Variants in ABL1 observed in about 807,000 individuals in gnomAD.
The protein encoded by ABL1 is tyrosine-protein kinase ABL1.
Under a neutral mutation model 94.7 loss-of-function variants are expected in ABL1, and 11 were observed. That is an observed-to-expected ratio of 0.12 (90% CI 0.07 to 0.19). The LOEUF is 0.19. Ranked by LOEUF, ABL1 falls within the 10% of genes least tolerant of loss-of-function variation. The probability of loss-of-function intolerance (pLI) is 1.00; values close to 1 mark genes in which losing one functional copy is unlikely to be tolerated. For missense variants in ABL1, 1,082 were observed against 1,489.4 expected, an observed-to-expected ratio of 0.73 and a Z score of 4.50; for synonymous variants, 656 against 622.4, an observed-to-expected ratio of 1.05 and a Z score of -0.80.
At chr9:130,831,486 A>G (rs1388697148), upstream of ABL1, among the ~76,000 whole-genome samples, 1 of 152,234 alleles carries the variant, frequency 6.6e-6, no homozygotes, top group East Asian at 1.9e-4. Context: ...TTCTAGAACT[A>G]TGCCTATCTT....
intron 1 of ABL1, among the ~76,000 whole-genome samples, chr9:130,818,955 G>T (rs147448757): frequency 1.3e-5 from 2 of 152,142 alleles, no homozygotes; most frequent in African/African-American, 4.8e-5. Flanking sequence ...GCTGTTGTGC[G>T]TATGTTTATT....
In ABL1 at chr9:130,835,570, C is replaced by A; in HGVS notation, c.79+45C>A. On this transcript the variant is annotated intron_variant, in intron 1 of 10. Transcript: ENST00000318560. The surrounding 1 kb of genome is among the most constrained non-coding windows in gnomAD (Gnocchi z 4.6). Reference sequence around the variant, plus strand: ...GTTGGGCTGAGTAGCCGCGCGCCCTCCCGCTGCTGCTGGGCCCTTCCTAGG... The same window carrying A: ...GTTGGGCTGAGTAGCCGCGCGCCCTACCGCTGCTGCTGGGCCCTTCCTAGG... 2 of 1,509,684 alleles carry A rather than the reference C, an allele frequency of 1.3e-6. No homozygotes were observed. Among genetic ancestry groups the A allele is most frequent in the Non-Finnish European group, 1.8e-6 (2 of 1,112,392 alleles). The allele number at this position is 1,509,684 out of a possible 1,614,324, so 93.5% of individuals were successfully genotyped here. A position where few individuals can be genotyped will look rare whatever the true frequency, so the allele number is the denominator to read the frequency against.
intron 6 of ABL1, among the ~76,000 whole-genome samples, chr9:130,873,495 T>C (rs1294394496): frequency 6.6e-6 from 1 of 152,210 alleles, no homozygotes; most frequent in East Asian, 1.9e-4. Flanking sequence ...GGCTTTTGTT[T>C]TTTAGTGTGT....
intron 10 of ABL1, among the ~76,000 whole-genome samples, chr9:130,883,154 G>T (rs1048142853): frequency 6.6e-6 from 1 of 152,100 alleles, no homozygotes; most frequent in Non-Finnish European, 1.5e-5. Context: ...GGTGAAGCAC[G>T]TGTCACGCTT....
chr9:130,714,336 GA>G lies in ABL1; in HGVS notation c.21del (p.Val8TyrfsTer45), dbSNP rs2132661610. 1 of 1,610,594 alleles carries G rather than the reference GA, an allele frequency of 6.2e-7. No homozygotes were observed. Among genetic ancestry groups the G allele is most frequent in the Non-Finnish European group, 8.5e-7 (1 of 1,178,058 alleles). On this transcript the variant is annotated frameshift_variant, in exon 1 of 11. Transcript: ENST00000372348. LOFTEE classifies it high-confidence loss of function. ...TATTACTTTATGGGGCAGCAGCCTGGAAAAGTACTTGGGGACCAAAGAAGGC... is the reference window on the plus strand; with the variant it reads ...TATTACTTTATGGGGCAGCAGCCTGGAAAGTACTTGGGGACCAAAGAAGGC...
At chr9:130,851,279 A>G (rs1830858476) in intron 1 of ABL1, among the ~76,000 whole-genome samples, 2 of 152,054 alleles carry the variant, frequency 1.3e-5, no homozygotes, top group Admixed American at 6.5e-5. Flanking sequence ...CTTCTTCTAC[A>G]CTCTAGGAGA....
At position 130,863,095 on chromosome 9, in the gene ABL1, GGCGAT is replaced by G. The variant is rs1243852576; in HGVS notation, c.822+63_822+67del. The G allele has an allele frequency of 8.0e-5, 121 of 1,505,138 alleles. No homozygotes were observed. The highest frequency in any genetic ancestry group is 5.9e-4 in the Admixed American group (27 of 45,950). The allele number at this position is 1,505,138 out of a possible 1,614,324, so 93.2% of individuals were successfully genotyped here. On this transcript the variant is annotated intron_variant, in intron 4 of 10. Transcript: ENST00000318560. The surrounding 1 kb of genome is among the most constrained non-coding windows in gnomAD (Gnocchi z 4.3). ...TGGGGCAAGGCGTCTGCTGGCATTA[GGCGAT>G]GCATCTGCCTGGAAGTCTACCTCCT...
intron 1 of ABL1, among the ~76,000 whole-genome samples, chr9:130,840,717 C>G (rs1193229248): frequency 6.6e-6 from 1 of 151,870 alleles, no homozygotes. Context: ...ATGGGTCTCA[C>G]TATGTCGCCC....
At chr9:130,724,747 TAAAAAAAAAAAA>T (rs34124679) in intron 1 of ABL1, 7 of 309,626 alleles carry the variant, frequency 2.3e-5, no homozygotes, top group Non-Finnish European at 3.7e-5. Context: ...ACCCTGTCTT[TAAAAAAAAAAAA>T]AAAAAAAAAA....
chr9:130,755,128 A>C (rs1046471353), intron 1 of ABL1, among the ~76,000 whole-genome samples: 20 of 152,184 alleles, frequency 1.3e-4, no homozygotes, highest in African/African-American at 4.8e-4. Flanking sequence ...ATCTTCAATA[A>C]ATAGTTGTTG....
chr9:130,815,601 G>A (rs34358097), intron 1 of ABL1, among the ~76,000 whole-genome samples: 30,610 of 152,038 alleles, frequency 0.2, 4,119 homozygotes, highest in Non-Finnish European at 0.3. Flanking sequence ...CTTGGCCAGG[G>A]TCCCTGCTTC....
chr9:130,750,208 TATATA>T (rs1831940175), intron 1 of ABL1, among the ~76,000 whole-genome samples: 1 of 68,254 alleles, frequency 1.5e-5, no homozygotes, highest in Non-Finnish European at 3.5e-5. Context: ...TATATATATA[TATATA>T]TATATATATA....
chr9:130,859,677 CT>C (rs869234280), intron 3 of ABL1, among the ~76,000 whole-genome samples: 1,274 of 78,394 alleles, frequency 0.016, 184 homozygotes, highest in African/African-American at 0.074. Context: ...TCTTTCTTTC[CT>C]TTTTTTTTTT....
chr9:130,784,903 G>T lies in ABL1; in HGVS notation c.137-69161G>T, dbSNP rs140418815. Among the ~76,000 whole-genome samples, 12 of 152,280 alleles carry T rather than the reference G, an allele frequency of 7.9e-5. No individual in the cohort carries two copies. In the East Asian group the frequency reaches 2.1e-3, roughly 27 times the overall value. ...TTTTATTCTGTAGCCATCCGTGTTG[G>T]GATGAGTGGAAGGTTGCATCTGCGA... On this transcript the variant is annotated intron_variant, in intron 1 of 10. Coordinates refer to the ABL1 transcript ENST00000372348.
chr9:130,744,856 C>CA (rs796361842), intron 1 of ABL1, among the ~76,000 whole-genome samples: 1,393 of 57,904 alleles, frequency 0.024, 20 homozygotes, highest in African/African-American at 0.05. Flanking sequence ...GACTCCGTCT[C>CA]AAAAAAAAAA....
chr9:130,727,002 C>T (rs1337652365), intron 1 of ABL1, among the ~76,000 whole-genome samples: 1 of 152,244 alleles, frequency 6.6e-6, no homozygotes, highest in African/African-American at 2.4e-5. Context: ...AATTTAATTT[C>T]ATTGTGGTCA....
intron 1 of ABL1, among the ~76,000 whole-genome samples, chr9:130,755,120 C>A (rs1832026421): frequency 6.6e-6 from 1 of 152,142 alleles, no homozygotes. Context: ...CATGGTAGAT[C>A]TTCAATAAAT....
intron 10 of ABL1, 75 bp from the exon 11 acceptor site, chr9:130,883,894 C>T: frequency 6.6e-7 from 1 of 1,515,682 alleles, no homozygotes. Flanking sequence ...CACTCTGCCT[C>T]CCGGGTTCAA....
chr9:130,749,487 A>T (rs1831928663), intron 1 of ABL1, among the ~76,000 whole-genome samples: 1 of 152,252 alleles, frequency 6.6e-6, no homozygotes, highest in African/African-American at 2.4e-5. Flanking sequence ...ATAGGGCTAA[A>T]GCCTGGTCCA....
Sources: gnomAD v4.1 joint callset for allele counts (sites outside exome capture counted in the v4.1 genomes callset) on GRCh38, gnomAD v4.1.1 for gene constraint, Gnocchi (gnomAD v3.1) non-coding constraint, MANE v1.5 for transcripts, NCBI Gene and HGNC (gene_info 2026-07-23, HGNC 2026-07-21) for gene names.